The following MUC3A variants were observed in gnomAD, a reference collection of about 807,000 sequenced individuals.
MUC3A encodes the protein mucin 3A, cell surface associated.
MUC3A carries 109 observed loss-of-function variants against 109.0 expected under a neutral mutation model. The ratio of observed to expected loss-of-function variants is 1.00; its 90% CI spans 0.86 to 1.17. The LOEUF (loss-of-function observed/expected upper bound fraction) is 1.17. Ranked by LOEUF, MUC3A falls within the 50% of genes most tolerant of loss-of-function variation. MUC3A has a pLI of 0.00. For synonymous variants in MUC3A, 1,398 were observed against 981.4 expected, an observed-to-expected ratio of 1.42 and a Z score of -7.93; for missense variants, 3,537 against 2,469.4, an observed-to-expected ratio of 1.43 and a Z score of -9.16.
chr7:100,959,706 C>G lies in MUC3A; in HGVS notation c.7927C>G (p.Pro2643Ala). 6.3e-7 allele frequency: 1 copy of G among 1,598,542 alleles called. No homozygotes were observed. Among genetic ancestry groups the G allele is most frequent in the Non-Finnish European group, 8.5e-7 (1 of 1,179,818 alleles). ...ACATTCCTCCACCCTTCAAACAACT[C>G]CTTCTACTCCCTCATTGCAAACTTC... Reference protein sequence around the residue: ...STHSSTLQTTPSTPSLQTSLT... With the variant: ...STHSSTLQTTASTPSLQTSLT... Residue 2643 changes from proline (P) to alanine (A), a missense_variant, in exon 2 of 12, where the codon CCT (proline) becomes GCT (alanine). Coordinates refer to ENST00000379458, the MANE Select transcript of MUC3A (RefSeq NM_005960.2).
chr7:100,966,569 C>A lies in MUC3A; in HGVS notation c.9785+10C>A. On this transcript the variant is annotated intron_variant, in intron 9 of 11. Transcript: ENST00000379458. ...GCCAGCGCCGAGGCCGGTGAGCGTG[C>A]GGGGGGCGGGGCCGGGGGGCGAGGG... 2 of 1,504,732 alleles carry A rather than the reference C, an allele frequency of 1.3e-6. No homozygotes were observed. The highest frequency in any genetic ancestry group is 1.8e-6 in the Non-Finnish European group (2 of 1,135,812). 93.2% of individuals were successfully genotyped at this position (1,504,732 alleles called of 1,614,324 possible).
Position 100,960,533 on chromosome 7 carries a change from G to C in MUC3A, c.8754G>C (p.Arg2918Ser). Residue 2918 changes from arginine (R) to serine (S), a missense_variant, in exon 2 of 12, where the codon AGG becomes AGC. Arg to Ser is a moderately radical substitution (Grantham distance 110). Transcript: ENST00000379458. ...KSTHPSPPTT[R>S]TSETPVATTQ... ...CACACCCCTCCCCACCCACCACTAG[G>C]ACTTCAGAGACACCAGTGGCCACTA... 1.3e-6 allele frequency: 2 copies of C among 1,598,732 alleles called. No homozygotes were observed. Among genetic ancestry groups the C allele is most frequent in the Middle Eastern group, 1.7e-4 (1 of 6,060 alleles).
chr7:100,957,322 C>A lies in MUC3A; in HGVS notation c.5543C>A (p.Ala1848Asp), dbSNP rs950190863. 5.1e-6 allele frequency: 3 copies of A among 584,286 alleles called. No individual in the cohort carries two copies. Among genetic ancestry groups the A allele is most frequent in the Non-Finnish European group, 6.0e-6 (2 of 333,696 alleles). 36.2% of individuals were successfully genotyped at this position (584,286 alleles called of 1,614,324 possible). Reference sequence around the variant, plus strand: ...ACCTACCCTACTTCTCTTACTAGTGCTCTCACAGATTCCACGACCAGAACC... The same window carrying A: ...ACCTACCCTACTTCTCTTACTAGTGATCTCACAGATTCCACGACCAGAACC... ...ETTYPTSLTSALTDSTTRTTY... is the reference protein window; with the variant it reads ...ETTYPTSLTSDLTDSTTRTTY... Residue 1848 changes from alanine to aspartate, a missense_variant, in exon 2 of 12, where the codon GCT (alanine) becomes GAT (aspartate). Ala to Asp is a moderately radical substitution (Grantham distance 126). Transcript: ENST00000379458.
chr7:100,967,317 C>G lies in MUC3A; in HGVS notation c.*155C>G. 7.8e-7 allele frequency: 1 copy of G among 1,280,192 alleles called. No individual in the cohort carries two copies. Among genetic ancestry groups the G allele is most frequent in the Non-Finnish European group, 1.1e-6 (1 of 934,794 alleles). The allele number at this position is 1,280,192 out of a possible 1,614,324, so 79.3% of individuals were successfully genotyped here. A position where few individuals can be genotyped will look rare whatever the true frequency, so the allele number is the denominator to read the frequency against. ...CTGTTCCCCCAAATCCCATCCTTCT[C>G]CTTCCAACTTGGCTGAAACCCACCT... is the stretch of plus-strand genomic sequence containing the variant. On this transcript the variant is annotated 3_prime_UTR_variant, in exon 12 of 12. Transcript: ENST00000379458.
rs77022449 is a variant in MUC3A at position 100,959,203 on chromosome 7, T to A, written c.7424T>A (p.Val2475Glu). 9.0e-7 allele frequency: 1 copy of A among 1,117,136 alleles called. No homozygotes were observed. The highest frequency in any genetic ancestry group is 2.7e-5 in the African/African-American group (1 of 36,840). The allele number at this position is 1,117,136 out of a possible 1,614,324, so 69.2% of individuals were successfully genotyped here. A position where few individuals can be genotyped will look rare whatever the true frequency, so the allele number is the denominator to read the frequency against. The change falls in exon 2 of 12, where the codon GTA becomes GAA. Residue 2475 changes from valine to glutamate, a missense_variant. Transcript: ENST00000379458. Reference sequence around the variant, plus strand: ...GAGACTGCGGTGACTCCCACACCTGTAACCCCATCTTCTCTGAGTACAGAC... The same window carrying A: ...GAGACTGCGGTGACTCCCACACCTGAAACCCCATCTTCTCTGAGTACAGAC... Reference protein sequence around the residue: ...TSETAVTPTPVTPSSLSTDIP... With the variant: ...TSETAVTPTPETPSSLSTDIP...
Position 100,952,120 on chromosome 7 carries a change from C to G in MUC3A, c.341C>G (p.Thr114Ser), listed in dbSNP as rs759061723. ...PTSKFAFKVETTPPTVLVYSA... is the reference protein window; with the variant it reads ...PTSKFAFKVESTPPTVLVYSA... ...TCCAAGTTTGCCTTCAAGGTTGAAA[C>G]CACTCCACCCACCGTGTTGGTCTAT... The change falls in exon 2 of 12, where the codon ACC (threonine) becomes AGC (serine). Residue 114 changes from threonine to serine, a missense_variant. By Grantham distance (58) the Thr-to-Ser change is moderately conservative (BLOSUM62 1). Coordinates refer to ENST00000379458, the MANE Select transcript of MUC3A (RefSeq NM_005960.2). The G allele has an allele frequency of 4.8e-5, 77 of 1,598,566 alleles. No individual in the cohort carries two copies. The highest frequency in any genetic ancestry group is 4.0e-5 in the Non-Finnish European group (47 of 1,179,784).
Position 100,954,820 on chromosome 7 carries a change from T to A in MUC3A, c.3041T>A (p.Ile1014Asn). Reference protein sequence around the residue: ...MTSPPPVSSSITPTNTMTSMR... With the variant: ...MTSPPPVSSSNTPTNTMTSMR... ...TCTCCTCCCCCCGTCAGTTCTTCAA[T>A]CACTCCCACCAATACAATGACTTCT... Residue 1014 changes from isoleucine to asparagine, a missense_variant, in exon 2 of 12, where the codon ATC becomes AAC. Physicochemically the swap from Ile to Asn is moderately radical, Grantham distance 149. Transcript: ENST00000379458. 2.5e-6 allele frequency: 1 copy of A among 405,502 alleles called. No homozygotes were observed. Among genetic ancestry groups the A allele is most frequent in the Non-Finnish European group, 4.3e-6 (1 of 230,620 alleles). The allele number at this position is 405,502 out of a possible 1,614,324, so 25.1% of individuals were successfully genotyped here. A position where few individuals can be genotyped will look rare whatever the true frequency, so the allele number is the denominator to read the frequency against.
rs370771672 is a variant in MUC3A, at chr7:100,959,562, G to C, written c.7783G>C (p.Ala2595Pro). ...TSATGTQTSPAPTTVTFGSTD... is the reference protein window; with the variant it reads ...TSATGTQTSPPPTTVTFGSTD... ...AGCCACTGGGACCCAAACATCTCCT[G>C]CACCTACTACTGTCACCTTTGGAAG... The change falls in exon 2 of 12, where the codon GCA becomes CCA. Residue 2595 changes from alanine to proline, a missense_variant. Coordinates refer to ENST00000379458, the MANE Select transcript of MUC3A (RefSeq NM_005960.2). 138 of 1,593,272 alleles carry C rather than the reference G, an allele frequency of 8.7e-5. No individual in the cohort carries two copies. The highest frequency in any genetic ancestry group is 2.0e-4 in the Admixed American group (12 of 59,656).
intron 6 of MUC3A, 193 bp from the exon 7 acceptor site, chr7:100,965,089 C>G: frequency 8.7e-7 from 1 of 1,149,638 alleles, no homozygotes; most frequent in South Asian, 1.5e-5. Flanking sequence ...CTGAAGACCT[C>G]GGATTATTCA....
Position 100,960,199 on chromosome 7 carries a change from C to T in MUC3A, c.8420C>T (p.Pro2807Leu). 1 of 1,593,194 alleles carries T rather than the reference C, an allele frequency of 6.3e-7. No homozygotes were observed. The highest frequency in any genetic ancestry group is 8.5e-7 in the Non-Finnish European group (1 of 1,176,232). Residue 2807 changes from proline (P) to leucine (L), a missense_variant, in exon 2 of 12, where the codon CCC becomes CTC. Coordinates refer to ENST00000379458, the MANE Select transcript of MUC3A (RefSeq NM_005960.2). ...SPPTTPLTVF[P>L]FTTEMVTCPT... ...CCCACCACCCCATTAACAGTCTTTC[C>T]CTTTACTACCGAAATGGTCACCTGT...
chr7:100,960,783 G>C lies in MUC3A; in HGVS notation c.8898G>C (p.Gln2966His), dbSNP rs748196693. Residue 2966 changes from glutamine to histidine, a missense_variant, in exon 3 of 12, where the codon CAG becomes CAC. Coordinates refer to ENST00000379458, the MANE Select transcript of MUC3A (RefSeq NM_005960.2). ...GTCDNGGTWE[Q>H]GQCACLPGFS... ...GTGACAATGGTGGCACCTGGGAACA[G>C]GGCCAGTGTGCTTGCCTTCCGGGGT... 14 of 1,598,374 alleles carry C rather than the reference G, an allele frequency of 8.8e-6. No homozygotes were observed. Among genetic ancestry groups the C allele is most frequent in the Non-Finnish European group, 8.5e-6 (10 of 1,179,812 alleles).
chr7:100,954,291 C>A lies in MUC3A; in HGVS notation c.2512C>A (p.Pro838Thr), dbSNP rs923595677. Residue 838 changes from proline (P) to threonine (T), a missense_variant, in exon 2 of 12, where the codon CCT becomes ACT. Physicochemically the swap from Pro to Thr is conservative, Grantham distance 38. Transcript: ENST00000379458. ...ATCCGTGGGCATCAGTGGTTCATTA[C>A]CTATGATGACAGACCTCACCTCAGT... Reference protein sequence around the residue: ...PSSVGISGSLPMMTDLTSVYT... With the variant: ...PSSVGISGSLTMMTDLTSVYT... 67 of 422,726 alleles carry A rather than the reference C, an allele frequency of 1.6e-4. No homozygotes were observed. The highest frequency in any genetic ancestry group is 1.1e-3 in the South Asian group (12 of 10,476). 26.2% of individuals were successfully genotyped at this position (422,726 alleles called of 1,614,324 possible). A position where few individuals can be genotyped will look rare whatever the true frequency, so the allele number is the denominator to read the frequency against.
rs1288496965 is a variant in MUC3A, at chr7:100,959,435, A to T, written c.7656A>T (p.Arg2552Ser). Residue 2552 changes from arginine (R) to serine (S), a missense_variant, in exon 2 of 12, where the codon AGA (arginine) becomes AGT (serine). Transcript: ENST00000379458. ...CCTCTCCCACCATGTCCACTGTGAG[A>T]ATGACCCTCAGAATTACTGAGAACA... ...GTTSPTMSTV[R>S]MTLRITENTP... 7 of 1,544,750 alleles carry T rather than the reference A, an allele frequency of 4.5e-6. No individual in the cohort carries two copies. The highest frequency in any genetic ancestry group is 4.3e-6 in the Non-Finnish European group (5 of 1,157,400).
Position 100,966,553 on chromosome 7 carries a change from G to C in MUC3A, c.9779G>C (p.Arg3260Pro), listed in dbSNP as rs1384369142. 9.3e-5 allele frequency: 132 copies of C among 1,421,922 alleles called. No individual in the cohort carries two copies. The highest frequency in any genetic ancestry group is 1.2e-4 in the Non-Finnish European group (129 of 1,099,992). The allele number at this position is 1,421,922 out of a possible 1,614,324, so 88.1% of individuals were successfully genotyped here. A position where few individuals can be genotyped will look rare whatever the true frequency, so the allele number is the denominator to read the frequency against. The stretch of plus-strand genomic sequence containing the variant: ...TCCGGATGGTGGGGCGGCCAGCGCC[G>C]AGGCCGGTGAGCGTGCGGGGGGCGG... ...VRSGWWGGQR[R>P]GRSWDQDRKW... Residue 3260 changes from arginine (R) to proline (P), a missense_variant, in exon 9 of 12, where the codon CGA becomes CCA. By Grantham distance (103) the Arg-to-Pro change is moderately radical. Coordinates refer to ENST00000379458, the MANE Select transcript of MUC3A (RefSeq NM_005960.2).
In MUC3A at chr7:100,952,017, A is replaced by G. The variant is rs779544461; in HGVS notation, c.238A>G (p.Thr80Ala). The change falls in exon 2 of 12, where the codon ACC (threonine) becomes GCC (alanine). Residue 80 changes from threonine (T) to alanine (A), a missense_variant. Thr to Ala is a moderately conservative substitution (Grantham distance 58, BLOSUM62 0). Coordinates refer to ENST00000379458, the MANE Select transcript of MUC3A (RefSeq NM_005960.2). ...HRENAPMTLT[T>A]SPHDTLISET... ...GGAAAATGCACCTATGACACTCACTACCTCCCCCCATGACACACTCATCTC... is the reference window on the plus strand; with the variant it reads ...GGAAAATGCACCTATGACACTCACTGCCTCCCCCCATGACACACTCATCTC... 2.5e-6 allele frequency: 4 copies of G among 1,598,482 alleles called. No individual in the cohort carries two copies. Among genetic ancestry groups the G allele is most frequent in the African/African-American group, 2.7e-5 (2 of 74,940 alleles).
chr7:100,966,070 C>CAAGA, intron 8 of MUC3A: 1 of 491,062 alleles, frequency 2.0e-6, no homozygotes, highest in Non-Finnish European at 2.9e-6. Flanking sequence ...TGAGTCCTGT[C>CAAGA]CCCTAATTCT....
rs751841125 is a variant in MUC3A at position 100,958,976 on chromosome 7, C to G, written c.7197C>G (p.Thr2399=). The G allele has an allele frequency of 7.6e-6, 10 of 1,308,824 alleles. 1 individual carries two copies. The South Asian group carries it at 8.2e-5, about 11-fold the overall frequency. 81.1% of individuals were successfully genotyped at this position (1,308,824 alleles called of 1,614,324 possible). A position where few individuals can be genotyped will look rare whatever the true frequency, so the allele number is the denominator to read the frequency against. Residue 2399 remains threonine (T), a synonymous_variant, in exon 2 of 12, where the codon ACC becomes ACG. Transcript: ENST00000379458. ...GCCTCACTTCGTGGGTCACCACCACCAAGACCACCTCACACATTACTCCTG... is the reference window on the plus strand; with the variant it reads ...GCCTCACTTCGTGGGTCACCACCACGAAGACCACCTCACACATTACTCCTG... ...TPGLTSWVTT[T]KTTSHITPGL... is the part of the protein sequence containing the mutation.
At chr7:100,965,222 C>T in intron 6 of MUC3A, 60 bp from the exon 7 acceptor site, 2 of 1,567,168 alleles carry the variant, frequency 1.3e-6, no homozygotes, top group Non-Finnish European at 1.7e-6. Context: ...TGGCGCTAAC[C>T]CCTTGACCTT....
chr7:100,949,606 C>A lies in MUC3A; in HGVS notation c.-19C>A. Reference sequence around the variant, plus strand: ...GGTCCTGAAGCCTGTTCTGCCCCAGCCCCCTGCCCGCTGGGCCCATGCAGC... The same window carrying A: ...GGTCCTGAAGCCTGTTCTGCCCCAGACCCCTGCCCGCTGGGCCCATGCAGC... On this transcript the variant is annotated 5_prime_UTR_variant, in exon 1 of 12. Transcript: ENST00000379458. The A allele has an allele frequency of 7.0e-7, 1 of 1,437,986 alleles. No homozygotes were observed. Among genetic ancestry groups the A allele is most frequent in the Non-Finnish European group, 9.3e-7 (1 of 1,077,530 alleles). 89.1% of individuals were successfully genotyped at this position (1,437,986 alleles called of 1,614,324 possible).
Sources: gnomAD v4.1 joint callset for allele counts on GRCh38, gnomAD v4.1.1 for gene constraint, MANE v1.5 for transcripts, NCBI Gene and HGNC (gene_info 2026-07-23, HGNC 2026-07-21) for gene names.